The following TBC1D32 variants were observed in gnomAD, a reference collection of about 807,000 sequenced individuals.
TBC1D32 encodes the protein TBC1 domain family member 32, also known as protein broad-minded.
Under a neutral mutation model 170.3 loss-of-function variants are expected in TBC1D32, and 151 were observed. The observed-to-expected ratio is 0.89, with a 90% CI of 0.78 to 1.01. The LOEUF (loss-of-function observed/expected upper bound fraction) is 1.01, where lower values mean the gene tolerates loss of function less well. Ranked by LOEUF, TBC1D32 falls within the 50% of genes least tolerant of loss-of-function variation. The pLI is 0.00. For synonymous variants in TBC1D32, 498 were observed against 488.0 expected, an observed-to-expected ratio of 1.02 and a Z score of -0.27; for missense variants, 1,464 against 1,457.1, an observed-to-expected ratio of 1.00 and a Z score of -0.08.
chr6:121,255,281 A>G (rs1263051363), intron 17 of TBC1D32, 47 bp downstream of exon 17: 1 of 1,182,252 alleles, frequency 8.5e-7, no homozygotes. Flanking sequence ...TTTTAAATTT[A>G]TTTCAGCAAA....
chr6:121,303,845 A>G, intron 8 of TBC1D32, 84 bp from the exon 9 acceptor site: 1 of 956,584 alleles, frequency 1.0e-6, no homozygotes, highest in African/African-American at 1.7e-5. Flanking sequence ...AAAGTAGCAT[A>G]TAATCTTCAG....
chr6:121,324,600 A>T (rs1422485682), intron 1 of TBC1D32, among the ~76,000 whole-genome samples: 1 of 152,188 alleles, frequency 6.6e-6, no homozygotes, highest in Non-Finnish European at 1.5e-5. Flanking sequence ...TCTAATCATC[A>T]TGTAAATAGT....
chr6:121,096,707 A>C (rs1322828090), intron 30 of TBC1D32, among the ~76,000 whole-genome samples: 2 of 152,190 alleles, frequency 1.3e-5, no homozygotes, highest in Admixed American at 1.3e-4. Flanking sequence ...TTTAAAGTTC[A>C]TACGGAACCA....
intron 1 of TBC1D32, among the ~76,000 whole-genome samples, chr6:121,333,999 G>A (rs1661987361): frequency 6.6e-6 from 1 of 152,150 alleles, no homozygotes; most frequent in African/African-American, 2.4e-5. Context: ...CCCGGGAGGC[G>A]GAGGTTGTAG....
At chr6:121,241,865 G>T (rs1797024746) in intron 18 of TBC1D32, among the ~76,000 whole-genome samples, 1 of 152,110 alleles carries the variant, frequency 6.6e-6, no homozygotes, top group Admixed American at 6.5e-5. Context: ...AATCTTCACT[G>T]ACATATACAT....
intron 21 of TBC1D32, among the ~76,000 whole-genome samples, chr6:121,213,744 A>G (rs917901500): frequency 1.3e-5 from 2 of 152,000 alleles, no homozygotes; most frequent in African/African-American, 4.8e-5. Flanking sequence ...ATTCAACGAT[A>G]TTCCTATCAA....
chr6:121,308,187 A>C, intron 4 of TBC1D32, 86 bp from the exon 5 acceptor site: 4 of 1,271,674 alleles, frequency 3.1e-6, no homozygotes, highest in Non-Finnish European at 3.3e-6. Flanking sequence ...AAACTACTAA[A>C]AGGTAAAGTC....
At chr6:121,187,566 C>T (rs1789361292) in intron 22 of TBC1D32, among the ~76,000 whole-genome samples, 1 of 152,060 alleles carries the variant, frequency 6.6e-6, no homozygotes, top group Non-Finnish European at 1.5e-5. Context: ...AAGCCTCCAA[C>T]CCATTCCCAC....
At chr6:121,146,074 A>AG (rs1234307149) in intron 24 of TBC1D32, among the ~76,000 whole-genome samples, 4 of 152,210 alleles carry the variant, frequency 2.6e-5, no homozygotes, top group African/African-American at 9.7e-5. Flanking sequence ...ACTGATGTGA[A>AG]GGATGGATGC....
At chr6:121,116,141 C>T (rs1184203365) in intron 26 of TBC1D32, among the ~76,000 whole-genome samples, 1 of 151,722 alleles carries the variant, frequency 6.6e-6, no homozygotes, top group Non-Finnish European at 1.5e-5. Context: ...TAGAGAAGAC[C>T]AAAACCTAGG....
At chr6:121,217,497 T>C (rs1793977840) in intron 21 of TBC1D32, among the ~76,000 whole-genome samples, 1 of 152,220 alleles carries the variant, frequency 6.6e-6, no homozygotes, top group African/African-American at 2.4e-5. Context: ...CAAGATCATG[T>C]CTTTCATGGC....
rs768356050 is a variant in TBC1D32, at chr6:121,113,109, C to T, written c.3122G>A (p.Cys1041Tyr). ...ENDLTWVLKH[C>Y]ERFLKQQQTS... is the part of the protein sequence containing the mutation. ...TTGCTGCTGTTTCAGGAATCTCTCA[C>T]AATGCTTTAAAACCCAGGTAAGATC... Residue 1041 changes from cysteine (C) to tyrosine (Y), a missense_variant, in exon 28 of 32, where the codon TGT (cysteine) becomes TAT (tyrosine). Coordinates refer to ENST00000398212, the MANE Select transcript of TBC1D32 (RefSeq NM_152730.6). 6.2e-7 allele frequency: 1 copy of T among 1,611,328 alleles called. No homozygotes were observed. The highest frequency in any genetic ancestry group is 1.3e-5 in the African/African-American group (1 of 74,752).
chr6:121,215,662 A>AG, intron 21 of TBC1D32, among the ~76,000 whole-genome samples: 1 of 151,786 alleles, frequency 6.6e-6, no homozygotes, highest in South Asian at 2.1e-4. Context: ...AATTTGCAAA[A>AG]AAAAAATCCC....
At chr6:121,198,179 C>A (rs529370116) in intron 22 of TBC1D32, among the ~76,000 whole-genome samples, 2 of 134,262 alleles carry the variant, frequency 1.5e-5, no homozygotes, top group South Asian at 4.5e-4. Flanking sequence ...ATACACATAT[C>A]CCTTTGTGTA....
intron 24 of TBC1D32, among the ~76,000 whole-genome samples, chr6:121,132,175 G>A (rs1047288300): frequency 3.3e-5 from 5 of 151,884 alleles, no homozygotes; most frequent in Admixed American, 2.0e-4. Flanking sequence ...GAAAGCATAA[G>A]TGTAAAAAAT....
intron 12 of TBC1D32, among the ~76,000 whole-genome samples, chr6:121,291,687 C>T (rs1804890940): frequency 6.6e-6 from 1 of 151,964 alleles, no homozygotes; most frequent in African/African-American, 2.4e-5. Context: ...TTAAATATTA[C>T]CAATTTCACT....
At chr6:121,241,319 T>G in intron 19 of TBC1D32, 146 bp downstream of exon 19, 1 of 670,268 alleles carries the variant, frequency 1.5e-6, no homozygotes, top group Non-Finnish European at 2.5e-6. Flanking sequence ...GAAAATCCTG[T>G]AACTTTCTTT....
intron 22 of TBC1D32, among the ~76,000 whole-genome samples, chr6:121,162,443 A>G (rs1037791417): frequency 5.3e-5 from 8 of 152,188 alleles, no homozygotes; most frequent in Admixed American, 2.0e-4. Context: ...CACAGACAGT[A>G]TCATACTAAA....
intron 5 of TBC1D32, among the ~76,000 whole-genome samples, chr6:121,306,243 TACAA>T (rs765129781): frequency 3.9e-5 from 6 of 152,166 alleles, no homozygotes; most frequent in Admixed American, 1.3e-4. Context: ...TTATGAGAAT[TACAA>T]ACAGTGATTC....
Sources: gnomAD v4.1 joint callset for allele counts (sites outside exome capture counted in the v4.1 genomes callset) on GRCh38, gnomAD v4.1.1 for gene constraint, MANE v1.5 for transcripts, NCBI Gene and HGNC (gene_info 2026-07-23, HGNC 2026-07-21) for gene names.